Variants in SLC10A7 observed in about 807,000 individuals in gnomAD.
SLC10A7 encodes the protein sodium/bile acid cotransporter 7.
A neutral mutation model predicts 43.2 loss-of-function variants in SLC10A7; 29 were observed. The ratio of observed to expected loss-of-function variants is 0.67; its 90% CI spans 0.50 to 0.92. The LOEUF (loss-of-function observed/expected upper bound fraction) is 0.92. Ranked by LOEUF, SLC10A7 falls within the 40% of genes least tolerant of loss-of-function variation. The pLI, the probability that SLC10A7 is intolerant of heterozygous loss-of-function variation, is 0.00. For synonymous variants in SLC10A7, 152 were observed against 144.8 expected (o/e 1.05, Z -0.35); for missense variants, 295 against 403.2 (o/e 0.73, Z 2.30).
intron 10 of SLC10A7, among the ~76,000 whole-genome samples, chr4:146,267,229 C>A (rs1001885811): frequency 6.6e-6 from 1 of 152,190 alleles, no homozygotes; most frequent in Admixed American, 6.5e-5. Context: ...AGAAAGGCCA[C>A]CTCCTTACAG....
chr4:146,445,653 C>T (rs555002288), intron 4 of SLC10A7, among the ~76,000 whole-genome samples: 9 of 152,150 alleles, frequency 5.9e-5, no homozygotes, highest in African/African-American at 1.9e-4. Flanking sequence ...TCTTGTCAGG[C>T]GTCCAGGAAA....
chr4:146,463,047 A>G (rs1253275097), intron 4 of SLC10A7, among the ~76,000 whole-genome samples: 1 of 152,228 alleles, frequency 6.6e-6, no homozygotes, highest in African/African-American at 2.4e-5. Flanking sequence ...ATCCAGTTAA[A>G]TAACACACTC....
At chr4:146,517,528 A>G (rs1018688112) in intron 1 of SLC10A7, among the ~76,000 whole-genome samples, 3 of 152,144 alleles carry the variant, frequency 2.0e-5, no homozygotes, top group Non-Finnish European at 2.9e-5. Flanking sequence ...ATGGTACTTT[A>G]GATATCAGTG....
At chr4:146,377,389 G>A (rs1178308338) in intron 5 of SLC10A7, among the ~76,000 whole-genome samples, 2 of 152,132 alleles carry the variant, frequency 1.3e-5, no homozygotes, top group Non-Finnish European at 2.9e-5. Flanking sequence ...TCTGTGGATG[G>A]CAGCTGCTAA....
At position 146,291,040 on chromosome 4, in the gene SLC10A7, G is replaced by A. The variant is rs77661217; in HGVS notation, c.773+1889C>T. Among the ~76,000 whole-genome samples the A allele has an allele frequency of 7.1e-3, 1,076 of 152,208 alleles. 15 individuals are homozygous for A. The highest frequency in any genetic ancestry group is 0.025 in the African/African-American group (1,018 of 41,526). ...TAGGTGTCACACTTCTGCCACCCAT[G>A]CCTCCTTTAGCAGTCCCAGTAGTGG... On this transcript the variant is annotated intron_variant, in intron 9 of 11. Coordinates refer to ENST00000335472, the MANE Select transcript of SLC10A7 (RefSeq NM_001029998.6).
intron 3 of SLC10A7, among the ~76,000 whole-genome samples, chr4:146,506,716 T>C (rs557853842): frequency 6.6e-6 from 1 of 152,360 alleles, no homozygotes; most frequent in African/African-American, 2.4e-5. Context: ...TTCTGTGTTT[T>C]AAACCAGTCA....
chr4:146,404,773 G>A (rs2679141), intron 5 of SLC10A7, among the ~76,000 whole-genome samples: 38,437 of 151,900 alleles, frequency 0.25, 5,569 homozygotes, highest in African/African-American at 0.4. Context: ...CCTGGCTTAT[G>A]TGTTGCGTCT....
At chr4:146,483,859 CA>C (rs1397538136) in intron 4 of SLC10A7, among the ~76,000 whole-genome samples, 15 of 151,998 alleles carry the variant, frequency 9.9e-5, no homozygotes, top group South Asian at 2.1e-4. Context: ...GACTTCAAGT[CA>C]AAAACTGTCA....
chr4:146,258,505 C>A (rs939040392), intron 11 of SLC10A7, among the ~76,000 whole-genome samples, 187 bp downstream of exon 11: 7 of 152,182 alleles, frequency 4.6e-5, no homozygotes, highest in African/African-American at 1.7e-4. Context: ...AATTTAAAAT[C>A]TTTAACCTCA....
chr4:146,515,229 C>G, intron 2 of SLC10A7: 2 of 698,526 alleles, frequency 2.9e-6, no homozygotes, highest in Non-Finnish European at 5.2e-6. Flanking sequence ...AAGCAGCCAC[C>G]AGGGGACATA....
At chr4:146,498,614 T>TAA (rs1461799669) in intron 4 of SLC10A7, among the ~76,000 whole-genome samples, 1 of 152,132 alleles carries the variant, frequency 6.6e-6, no homozygotes, top group East Asian at 1.9e-4. Context: ...AATATTTAAA[T>TAA]AAAAATAGCT....
intron 4 of SLC10A7, among the ~76,000 whole-genome samples, chr4:146,500,729 C>A (rs1461976937): frequency 2.0e-5 from 3 of 152,160 alleles, no homozygotes. Context: ...TTTCCCTTTT[C>A]CCTTTCATCA....
At chr4:146,488,658 G>A (rs977650177) in intron 4 of SLC10A7, among the ~76,000 whole-genome samples, 66 of 152,160 alleles carry the variant, frequency 4.3e-4, no homozygotes, top group Non-Finnish European at 1.5e-4. Flanking sequence ...CTAAGCATTC[G>A]AAGTCTTATT....
chr4:146,256,744 G>A (rs369487997), intron 11 of SLC10A7: 99 of 1,177,588 alleles, frequency 8.4e-5, no homozygotes, highest in East Asian at 6.4e-4. Flanking sequence ...CTGGCTACTC[G>A]TATGGTTCCC....
At chr4:146,362,490 T>C (rs1328181616) in intron 5 of SLC10A7, among the ~76,000 whole-genome samples, 1 of 152,170 alleles carries the variant, frequency 6.6e-6, no homozygotes, top group Non-Finnish European at 1.5e-5. Context: ...CCTGTAATAC[T>C]ATATACAGCA....
intron 6 of SLC10A7, among the ~76,000 whole-genome samples, chr4:146,312,752 T>C (rs1337119881): frequency 1.3e-5 from 2 of 152,290 alleles, no homozygotes; most frequent in East Asian, 1.9e-4. Context: ...TAATTTAAAA[T>C]GTAAGATGAA....
chr4:146,472,848 T>C lies in SLC10A7; in HGVS notation c.397-30027A>G, dbSNP rs542033269. On this transcript the variant is annotated intron_variant, in intron 4 of 11. Transcript: ENST00000335472. ...ACATTTCTGCATCGTTTCCAGAGGA[T>C]TGACTTATTGCCTTTTAACTTTTTA... Among the ~76,000 whole-genome samples the C allele has an allele frequency of 7.2e-5, 11 of 152,356 alleles. No homozygotes were observed. In the East Asian group the frequency reaches 2.1e-3, roughly 29 times the overall value.
At chr4:146,308,975 A>G (rs759623414) in intron 6 of SLC10A7, among the ~76,000 whole-genome samples, 12 of 152,154 alleles carry the variant, frequency 7.9e-5, no homozygotes, top group Non-Finnish European at 1.6e-4. Flanking sequence ...TGCGGATACA[A>G]CTGTAGACAA....
intron 4 of SLC10A7, among the ~76,000 whole-genome samples, chr4:146,472,074 C>T (rs186764744): frequency 3.3e-4 from 50 of 152,140 alleles, no homozygotes; most frequent in Admixed American, 2.0e-3. Context: ...AATATAAATC[C>T]TTCAGCATCT....
Sources: gnomAD v4.1 joint callset for allele counts (sites outside exome capture counted in the v4.1 genomes callset) on GRCh38, gnomAD v4.1.1 for gene constraint, MANE v1.5 for transcripts, NCBI Gene and HGNC (gene_info 2026-07-23, HGNC 2026-07-21) for gene names.